The following RASGRP3 variants were observed in gnomAD, a reference collection of about 807,000 sequenced individuals.
The protein encoded by RASGRP3 is RAS guanyl releasing protein 3.
A neutral mutation model predicts 82.7 loss-of-function variants in RASGRP3; 54 were observed. The observed-to-expected ratio is 0.65, with a 90% CI of 0.52 to 0.82. The LOEUF is 0.82. Ranked by LOEUF, RASGRP3 falls within the 40% of genes least tolerant of loss-of-function variation. RASGRP3 has a pLI of 0.00. For missense variants in RASGRP3, 861 were observed against 828.9 expected (o/e 1.04, Z -0.48); for synonymous variants, 309 against 300.5 (o/e 1.03, Z -0.29).
chr2:33,471,277 G>A (rs1280563529), intron 2 of RASGRP3, among the ~76,000 whole-genome samples: 1 of 150,886 alleles, frequency 6.6e-6, no homozygotes, highest in Non-Finnish European at 1.5e-5. Context: ...CTAGGCTCAA[G>A]TGATCCTCCT....
intron 1 of RASGRP3, among the ~76,000 whole-genome samples, chr2:33,503,865 GCT>G (rs1670108633): frequency 6.6e-6 from 1 of 152,056 alleles, no homozygotes; most frequent in East Asian, 1.9e-4. Context: ...ATTTATTAAA[GCT>G]TATCACTGTC....
At chr2:33,440,780 T>C (rs753699751) in intron 1 of RASGRP3, among the ~76,000 whole-genome samples, 2 of 152,114 alleles carry the variant, frequency 1.3e-5, no homozygotes, top group African/African-American at 4.8e-5. Context: ...ATATAGTTAC[T>C]TTTTTTGTAT....
chr2:33,534,291 C>T (rs185366416), intron 10 of RASGRP3, 32 bp from the exon 11 acceptor site: 52 of 1,410,930 alleles, frequency 3.7e-5, no homozygotes, highest in African/African-American at 3.7e-4. Context: ...AAATGTAATC[C>T]GACATTTTTA....
intron 1 of RASGRP3, among the ~76,000 whole-genome samples, chr2:33,442,691 C>CT (rs976697618): frequency 2.6e-5 from 4 of 152,238 alleles, no homozygotes; most frequent in African/African-American, 4.8e-5. Context: ...AAGACATGCA[C>CT]TTTTTTCATA....
At chr2:33,520,426 A>T in intron 5 of RASGRP3, 127 bp from the exon 6 acceptor site, 1 of 1,240,700 alleles carries the variant, frequency 8.1e-7, no homozygotes, top group Non-Finnish European at 1.1e-6. Context: ...GGAGATGGCT[A>T]ATTTGAAGTG....
intron 15 of RASGRP3, among the ~76,000 whole-genome samples, chr2:33,557,596 G>A (rs1450434580): frequency 6.6e-6 from 1 of 151,984 alleles, no homozygotes; most frequent in African/African-American, 2.4e-5. Context: ...TGTAGTCCCA[G>A]CTACTCGGGA....
At chr2:33,471,520 T>G (rs1574272693) in intron 2 of RASGRP3, among the ~76,000 whole-genome samples, 1 of 152,042 alleles carries the variant, frequency 6.6e-6, no homozygotes, top group African/African-American at 2.4e-5. Context: ...TGTTTACGTA[T>G]GAAGTTAGTC....
chr2:33,549,634 G>A lies in RASGRP3; in HGVS notation c.1425G>A (p.Met475Ile). 6.2e-7 allele frequency: 1 copy of A among 1,613,348 alleles called. No individual in the cohort carries two copies. The highest frequency in any genetic ancestry group is 8.5e-7 in the Non-Finnish European group (1 of 1,179,482). The part of the protein sequence containing the change: ...QDGLISKDEM[M>I]AYFLRAKSQL... ...GCCTAATTAGTAAAGATGAAATGAT[G>A]GCTTACTTCCTGAGAGCTAAATCCC... is the stretch of plus-strand genomic sequence containing the variant. Residue 475 changes from methionine (M) to isoleucine (I), a missense_variant, in exon 14 of 18, where the codon ATG becomes ATA. By Grantham distance (10) the Met-to-Ile change is conservative. Transcript: ENST00000403687.
intron 3 of RASGRP3, 147 bp downstream of exon 3, chr2:33,515,353 A>G (rs1166415132): frequency 1.4e-6 from 1 of 716,992 alleles, no homozygotes. Flanking sequence ...CTGTCTCTCC[A>G]GTTTCACTGC....
At chr2:33,533,631 A>G (rs532859591) in intron 10 of RASGRP3, 1 of 152,348 alleles carries the variant, frequency 6.6e-6, no homozygotes, top group East Asian at 1.9e-4. Flanking sequence ...TAAAGGTTAC[A>G]GAGCTAGCCA....
intron 2 of RASGRP3, among the ~76,000 whole-genome samples, chr2:33,464,345 C>G (rs972021079): frequency 1.3e-5 from 2 of 151,038 alleles, no homozygotes; most frequent in African/African-American, 4.9e-5. Flanking sequence ...GTCTTGAACT[C>G]CTGAGCTCAG....
At chr2:33,462,302 T>A (rs1260310977) in intron 2 of RASGRP3, among the ~76,000 whole-genome samples, 1 of 151,824 alleles carries the variant, frequency 6.6e-6, no homozygotes, top group African/African-American at 2.4e-5. Flanking sequence ...GAGGCTGTGA[T>A]GCAAAGATGA....
intron 14 of RASGRP3, among the ~76,000 whole-genome samples, chr2:33,554,307 A>C (rs903022756): frequency 6.6e-6 from 1 of 152,120 alleles, no homozygotes; most frequent in Non-Finnish European, 1.5e-5. Context: ...CTTTTTCAAC[A>C]TTATTTTATT....
At position 33,476,695 on chromosome 2, in the gene RASGRP3, C is replaced by G. The variant is rs1667398600; in HGVS notation, c.-273C>G. Reference sequence around the variant, plus strand: ...AGTGCTGATGTGAAAAATACCACGACAAAACCACCCTAGTAAGTAACTGGA... The same window carrying G: ...AGTGCTGATGTGAAAAATACCACGAGAAAACCACCCTAGTAAGTAACTGGA... On this transcript the variant is annotated 5_prime_UTR_variant, in exon 1 of 18. Coordinates refer to ENST00000403687, the MANE Select transcript of RASGRP3 (RefSeq NM_001139488.2). 6.6e-6 allele frequency: 1 copy of G among 151,864 alleles called. No homozygotes were observed. Among genetic ancestry groups the G allele is most frequent in the South Asian group, 2.1e-4 (1 of 4,810 alleles). The allele number at this position is 151,864 out of a possible 1,614,324, so 9.4% of individuals were successfully genotyped here. A position where few individuals can be genotyped will look rare whatever the true frequency, so the allele number is the denominator to read the frequency against.
intron 3 of RASGRP3, among the ~76,000 whole-genome samples, chr2:33,515,447 C>G (rs1671364950): frequency 6.6e-6 from 1 of 152,204 alleles, no homozygotes; most frequent in Non-Finnish European, 1.5e-5. Context: ...ATTCTCTGCA[C>G]CTTTCTACCA....
At chr2:33,520,525 G>C in intron 5 of RASGRP3, 28 bp from the exon 6 acceptor site, 1 of 1,611,460 alleles carries the variant, frequency 6.2e-7, no homozygotes, top group Non-Finnish European at 8.5e-7. Flanking sequence ...CAATCTTCCA[G>C]CTGCCAAAAA....
At chr2:33,502,899 C>G (rs1241040741) in intron 1 of RASGRP3, among the ~76,000 whole-genome samples, 1 of 152,118 alleles carries the variant, frequency 6.6e-6, no homozygotes. Flanking sequence ...TCTAGATCCA[C>G]TAATGAGTCC....
At chr2:33,440,210 AG>A (rs1430728675) in intron 1 of RASGRP3, among the ~76,000 whole-genome samples, 3 of 152,104 alleles carry the variant, frequency 2.0e-5, no homozygotes, top group Non-Finnish European at 4.4e-5. Flanking sequence ...CTTAGGAGGG[AG>A]GTGAGAACTG....
At chr2:33,437,370 T>G (rs1057028151) in intron 1 of RASGRP3, among the ~76,000 whole-genome samples, 1 of 152,232 alleles carries the variant, frequency 6.6e-6, no homozygotes, top group African/African-American at 2.4e-5. Context: ...TCTTTTAACA[T>G]TCTTTGCCAT....
Sources: gnomAD v4.1 joint callset for allele counts (sites outside exome capture counted in the v4.1 genomes callset) on GRCh38, gnomAD v4.1.1 for gene constraint, MANE v1.5 for transcripts, NCBI Gene and HGNC (gene_info 2026-07-23, HGNC 2026-07-21) for gene names.